Variants in RAPGEF4 observed in about 807,000 individuals in gnomAD.
The protein encoded by RAPGEF4 is Rap guanine nucleotide exchange factor 4, also known as RAP guanine-nucleotide-exchange factor (GEF) 4.
In RAPGEF4, 66 loss-of-function variants were observed where a neutral mutation model predicts 147.9. That is an observed-to-expected ratio of 0.45 (90% confidence interval 0.37 to 0.55). RAPGEF4 has a LOEUF of 0.55. Among genes scored for constraint, RAPGEF4 ranks in the 20% least tolerant of loss-of-function variants. The pLI is 0.00. For missense variants in RAPGEF4, 1,071 were observed against 1,257.3 expected, an observed-to-expected ratio of 0.85 and a Z score of 2.24; for synonymous variants, 419 against 442.7, an observed-to-expected ratio of 0.95 and a Z score of 0.67.
At chr2:172,799,815 G>A (rs921979836) in intron 3 of RAPGEF4, among the ~76,000 whole-genome samples, 2 of 152,208 alleles carry the variant, frequency 1.3e-5, no homozygotes, top group African/African-American at 4.8e-5. Context: ...AAGAGCAGAT[G>A]TGCCTAAGGG....
intron 8 of RAPGEF4, among the ~76,000 whole-genome samples, chr2:172,964,067 A>T (rs1170625825): frequency 6.6e-6 from 1 of 152,208 alleles, no homozygotes; most frequent in Non-Finnish European, 1.5e-5. Context: ...TAAAAGCCAA[A>T]TGAAATTGAT....
rs911025422 is a variant in RAPGEF4, at chr2:172,932,855, G to A, written c.537+10555G>A. On this transcript the variant is annotated intron_variant, in intron 6 of 30. Coordinates refer to ENST00000397081, the MANE Select transcript of RAPGEF4 (RefSeq NM_007023.4). Reference sequence around the variant, plus strand: ...AAATATTCGTGTTTTAAAATCTCTTGTGACCATGGGTCTTTGTTACAACTT... The same window carrying A: ...AAATATTCGTGTTTTAAAATCTCTTATGACCATGGGTCTTTGTTACAACTT... 3.9e-5 allele frequency among the ~76,000 whole-genome samples: 6 copies of A among 152,070 alleles called. No individual in the cohort carries two copies. The East Asian group carries it at 1.2e-3, about 29-fold the overall frequency.
intron 1 of RAPGEF4, among the ~76,000 whole-genome samples, chr2:172,774,500 T>C (rs989191398): frequency 3.9e-5 from 6 of 152,234 alleles, no homozygotes; most frequent in African/African-American, 1.4e-4. Flanking sequence ...TATTTTGCTG[T>C]CTGGAAACAT....
In RAPGEF4 at chr2:172,922,320, G is replaced by A. The variant is rs781662916; in HGVS notation, c.537+20G>A. On this transcript the variant is annotated intron_variant, in intron 6 of 30. Coordinates refer to ENST00000397081, the MANE Select transcript of RAPGEF4 (RefSeq NM_007023.4). ...GAGAACGTGAGTAGCTACTCTCTCTGCCTATCTTCTAAAAATTGTTATAAG... is the reference window on the plus strand; with the variant it reads ...GAGAACGTGAGTAGCTACTCTCTCTACCTATCTTCTAAAAATTGTTATAAG... 1 of 1,596,740 alleles carries A rather than the reference G, an allele frequency of 6.3e-7. No homozygotes were observed. The highest frequency in any genetic ancestry group is 1.7e-5 in the Admixed American group (1 of 59,986).
chr2:173,032,163 G>A (rs1697253897), intron 26 of RAPGEF4, among the ~76,000 whole-genome samples: 1 of 152,198 alleles, frequency 6.6e-6, no homozygotes, highest in South Asian at 2.1e-4. Flanking sequence ...CTCAGCACTG[G>A]TGACATCTGG....
chr2:172,937,963 C>T (rs1287821282), intron 6 of RAPGEF4, among the ~76,000 whole-genome samples: 1 of 152,072 alleles, frequency 6.6e-6, no homozygotes, highest in East Asian at 1.9e-4. Context: ...CATCACTATG[C>T]TTTGTTTTAT....
intron 4 of RAPGEF4, among the ~76,000 whole-genome samples, chr2:172,903,624 C>T (rs1435413177): frequency 2.0e-5 from 3 of 151,914 alleles, no homozygotes; most frequent in South Asian, 2.1e-4. Flanking sequence ...AGAGAACAGA[C>T]AGAAGTCACT....
At chr2:172,775,707 G>A (rs1234186788) in intron 1 of RAPGEF4, among the ~76,000 whole-genome samples, 1 of 151,352 alleles carries the variant, frequency 6.6e-6, no homozygotes, top group Non-Finnish European at 1.5e-5. Context: ...TATGACAAAA[G>A]GTCAAACTTT....
chr2:173,019,958 C>T (rs547300033), intron 22 of RAPGEF4, among the ~76,000 whole-genome samples: 4 of 152,324 alleles, frequency 2.6e-5, no homozygotes, highest in Admixed American at 2.0e-4. Flanking sequence ...TGGCATCTCC[C>T]ACTATGATGT....
chr2:172,745,194 T>A (rs901368991), intron 1 of RAPGEF4, among the ~76,000 whole-genome samples: 1 of 152,142 alleles, frequency 6.6e-6, no homozygotes, highest in African/African-American at 2.4e-5. Flanking sequence ...ATTTTACAAA[T>A]GTCTTATAGA....
At position 172,952,555 on chromosome 2, in the gene RAPGEF4, C is replaced by T. The variant is rs558784894; in HGVS notation, c.538-8205C>T. On this transcript the variant is annotated intron_variant, in intron 6 of 30. Transcript: ENST00000397081. ...TGTACATCTCTTAGCTTCTACTACT[C>T]AAATGCAGATTTCATAGTAATATGT... Among the ~76,000 whole-genome samples, 3 of 152,290 alleles carry T rather than the reference C, an allele frequency of 2.0e-5. No individual in the cohort carries two copies. The East Asian group carries it at 5.8e-4, about 29-fold the overall frequency.
At chr2:172,888,855 G>C (rs1697550903) in intron 4 of RAPGEF4, among the ~76,000 whole-genome samples, 2 of 152,210 alleles carry the variant, frequency 1.3e-5, no homozygotes, top group Admixed American at 1.3e-4. Context: ...GCTAGAGCCA[G>C]TTAACTGCTG....
chr2:173,023,070 G>A (rs183754958), intron 23 of RAPGEF4, among the ~76,000 whole-genome samples: 3 of 152,266 alleles, frequency 2.0e-5, no homozygotes, highest in South Asian at 2.1e-4. Context: ...AGGCACCCCC[G>A]CATGTGACCA....
chr2:172,754,808 C>T (rs1559024093), intron 1 of RAPGEF4, among the ~76,000 whole-genome samples: 1 of 152,052 alleles, frequency 6.6e-6, no homozygotes, highest in African/African-American at 2.4e-5. Context: ...TTTGGGAGGC[C>T]GAGGCGGGCG....
At chr2:172,952,488 C>T (rs901824111) in intron 6 of RAPGEF4, among the ~76,000 whole-genome samples, 3 of 152,212 alleles carry the variant, frequency 2.0e-5, no homozygotes, top group Admixed American at 6.5e-5. Context: ...GGAGACACAC[C>T]GTAATGGGCA....
intron 4 of RAPGEF4, among the ~76,000 whole-genome samples, chr2:172,906,105 A>C (rs1575193421): frequency 6.6e-6 from 1 of 152,276 alleles, no homozygotes; most frequent in East Asian, 1.9e-4. Context: ...TATCATCTAG[A>C]GGTTGTGAAA....
At chr2:172,889,072 G>A (rs1697583805) in intron 4 of RAPGEF4, among the ~76,000 whole-genome samples, 1 of 152,154 alleles carries the variant, frequency 6.6e-6, no homozygotes, top group Non-Finnish European at 1.5e-5. Flanking sequence ...AGATTGATAG[G>A]CAGTTTAGAT....
chr2:173,003,005 T>C (rs568546675), intron 17 of RAPGEF4, among the ~76,000 whole-genome samples: 1 of 152,344 alleles, frequency 6.6e-6, no homozygotes, highest in East Asian at 1.9e-4. Context: ...AAATCCACCA[T>C]TGAGTTTAGA....
intron 22 of RAPGEF4, among the ~76,000 whole-genome samples, chr2:173,019,394 A>G (rs913615932): frequency 6.6e-6 from 1 of 152,260 alleles, no homozygotes. Context: ...GAAGGAAAGA[A>G]TGAGTTAGAC....
Sources: gnomAD v4.1 joint callset for allele counts (sites outside exome capture counted in the v4.1 genomes callset) on GRCh38, gnomAD v4.1.1 for gene constraint, MANE v1.5 for transcripts, NCBI Gene and HGNC (gene_info 2026-07-23, HGNC 2026-07-21) for gene names.